IQCM: variants seen among roughly 807,000 people sequenced by gnomAD.
The protein encoded by IQCM is IQ motif containing M.
IQCM carries 45 observed loss-of-function variants against 57.6 expected under a neutral mutation model. The observed-to-expected ratio is 0.78, with a 90% CI of 0.62 to 1.00. The LOEUF (loss-of-function observed/expected upper bound fraction) is 1.00. IQCM is among the 50% of genes least tolerant of loss of function. The pLI is 0.00. For missense variants in IQCM, 468 were observed against 511.6 expected (o/e 0.91, Z 0.82); for synonymous variants, 148 against 158.9 (o/e 0.93, Z 0.51).
chr4:149,784,126 A>G (rs182448670), intron 2 of IQCM, among the ~76,000 whole-genome samples: 12 of 152,334 alleles, frequency 7.9e-5, no homozygotes, highest in Non-Finnish European at 1.8e-4. Flanking sequence ...TTACACAGCA[A>G]TAGAAAACTA....
At chr4:149,378,921 T>C (rs1338756926) in intron 13 of IQCM, among the ~76,000 whole-genome samples, 1 of 152,132 alleles carries the variant, frequency 6.6e-6, no homozygotes, top group Non-Finnish European at 1.5e-5. Context: ...GCTGGGCCTA[T>C]GGTCCCTCTG....
At chr4:149,721,179 T>C (rs1561198030) in intron 5 of IQCM, among the ~76,000 whole-genome samples, 1 of 152,180 alleles carries the variant, frequency 6.6e-6, no homozygotes. Flanking sequence ...ACTATTTACA[T>C]GGGATTTACA....
chr4:149,712,227 GC>G (rs1436906064), intron 5 of IQCM, among the ~76,000 whole-genome samples: 1 of 152,150 alleles, frequency 6.6e-6, no homozygotes. Context: ...ATTCATGCAG[GC>G]CAGAGAAATT....
At chr4:149,669,963 C>G (rs1761106531) in intron 7 of IQCM, among the ~76,000 whole-genome samples, 1 of 152,128 alleles carries the variant, frequency 6.6e-6, no homozygotes, top group Admixed American at 6.5e-5. Flanking sequence ...AATGTGGGCT[C>G]TTTTTTGGTT....
At chr4:149,755,120 T>C (rs540579748) in intron 2 of IQCM, among the ~76,000 whole-genome samples, 76 of 152,320 alleles carry the variant, frequency 5.0e-4, no homozygotes, top group African/African-American at 1.8e-3. Context: ...CCTTTACTAT[T>C]AACACTCTAG....
chr4:149,733,492 G>A lies in IQCM; in HGVS notation c.137C>T (p.Thr46Ile). 8.2e-7 allele frequency: 1 copy of A among 1,225,978 alleles called. No individual in the cohort carries two copies. The highest frequency in any genetic ancestry group is 4.1e-5 in the South Asian group (1 of 24,210). 75.9% of individuals were successfully genotyped at this position (1,225,978 alleles called of 1,614,324 possible). ...TTTCTTTCTAAAAACATTTATAGAA[G>A]TACCTTGAACTTTATTCTATGAATA... ...EKINENKVQGTSINVFRKKHQ... is the reference protein window; with the variant it reads ...EKINENKVQGISINVFRKKHQ... The change falls in exon 5 of 14, where the codon ACT becomes ATT. Residue 46 changes from threonine (T) to isoleucine (I), a missense_variant. Physicochemically the swap from Thr to Ile is moderately conservative, Grantham distance 89. Transcript: ENST00000636793.
At chr4:149,411,432 T>C (rs1163385129) in intron 13 of IQCM, among the ~76,000 whole-genome samples, 1 of 152,144 alleles carries the variant, frequency 6.6e-6, no homozygotes, top group African/African-American at 2.4e-5. Context: ...TCACTATGTG[T>C]CAAGTCTTCT....
At chr4:149,592,045 G>C (rs1404846344) in intron 8 of IQCM, among the ~76,000 whole-genome samples, 3 of 152,098 alleles carry the variant, frequency 2.0e-5, no homozygotes, top group Non-Finnish European at 4.4e-5. Context: ...CTTCCACAAT[G>C]GTTGAGTTAG....
At chr4:149,469,616 C>T (rs1264574866) in intron 12 of IQCM, among the ~76,000 whole-genome samples, 1 of 152,150 alleles carries the variant, frequency 6.6e-6, no homozygotes, top group Non-Finnish European at 1.5e-5. Flanking sequence ...TCAGGAAACA[C>T]AGAGAATGCC....
chr4:149,782,304 G>A (rs1011895197), intron 2 of IQCM, among the ~76,000 whole-genome samples: 7 of 151,918 alleles, frequency 4.6e-5, no homozygotes, highest in African/African-American at 1.5e-4. Flanking sequence ...GGAAAAAAAG[G>A]AAAGAAAAAT....
intron 12 of IQCM, among the ~76,000 whole-genome samples, chr4:149,479,323 G>A (rs1303998278): frequency 6.6e-6 from 1 of 152,170 alleles, no homozygotes; most frequent in African/African-American, 2.4e-5. Flanking sequence ...AGAGATCATA[G>A]ATCCTGATTC....
chr4:149,490,355 A>T (rs542883534), intron 12 of IQCM, among the ~76,000 whole-genome samples: 1 of 152,128 alleles, frequency 6.6e-6, no homozygotes, highest in East Asian at 1.9e-4. Flanking sequence ...TACAATCTCA[A>T]TGGGATATGC....
Position 149,631,322 on chromosome 4 carries a change from C to A in IQCM, c.566-10078G>T, listed in dbSNP as rs374502369. On this transcript the variant is annotated intron_variant, in intron 7 of 13. Transcript: ENST00000636793. ...CTTTGTAACCTTTCACTGTAATAAA[C>A]CTTAGCCATGACTACAACCATATGC... 1.8e-4 allele frequency among the ~76,000 whole-genome samples: 28 copies of A among 152,290 alleles called. No individual in the cohort carries two copies. In the East Asian group the frequency reaches 5.0e-3, roughly 27 times the overall value.
intron 2 of IQCM, among the ~76,000 whole-genome samples, chr4:149,791,441 C>T (rs1772601608): frequency 1.3e-5 from 2 of 152,038 alleles, no homozygotes; most frequent in South Asian, 2.1e-4. Context: ...ATTTCAGTTC[C>T]ACTCTTTTCA....
At chr4:149,589,147 G>C (rs1286412298) in intron 8 of IQCM, among the ~76,000 whole-genome samples, 1 of 152,000 alleles carries the variant, frequency 6.6e-6, no homozygotes, top group African/African-American at 2.4e-5. Context: ...TAATCTTCCA[G>C]GACAATTTTT....
intron 13 of IQCM, among the ~76,000 whole-genome samples, chr4:149,415,441 G>GT (rs1299794600): frequency 6.6e-6 from 1 of 152,146 alleles, no homozygotes; most frequent in African/African-American, 2.4e-5. Context: ...GATCACAGTG[G>GT]TAAGTGTGTT....
At chr4:149,440,715 AT>A (rs564424611) in intron 12 of IQCM, among the ~76,000 whole-genome samples, 1 of 152,210 alleles carries the variant, frequency 6.6e-6, no homozygotes, top group Admixed American at 6.5e-5. Context: ...TTCCTGATGG[AT>A]TTTTTGAAAT....
At chr4:149,681,811 G>A (rs918524572) in intron 7 of IQCM, among the ~76,000 whole-genome samples, 1 of 151,064 alleles carries the variant, frequency 6.6e-6, no homozygotes, top group Non-Finnish European at 1.5e-5. Context: ...AGAATTGTAT[G>A]TATTTTTTAA....
chr4:149,754,526 T>C (rs868491642), intron 2 of IQCM, among the ~76,000 whole-genome samples: 1 of 152,230 alleles, frequency 6.6e-6, no homozygotes, highest in Non-Finnish European at 1.5e-5. Flanking sequence ...TGCTGTTAAA[T>C]CTAATTGTCA....
Sources: allele counts gnomAD v4.1 joint callset (sites outside exome capture counted in the v4.1 genomes callset), GRCh38; gene constraint gnomAD v4.1.1; transcripts MANE v1.5; gene names NCBI Gene and HGNC (gene_info 2026-07-23, HGNC 2026-07-21).